The following SYCP2 variants were observed in gnomAD, a reference collection of about 807,000 sequenced individuals.
SYCP2 encodes synaptonemal complex protein 2.
Under a neutral mutation model 211.3 loss-of-function variants are expected in SYCP2, and 55 were observed. That is an observed-to-expected ratio of 0.26 (90% CI 0.21 to 0.33). The LOEUF is 0.33. Among genes scored for constraint, SYCP2 ranks in the 10% least tolerant of loss-of-function variants. SYCP2 has a pLI of 1.00. For synonymous variants in SYCP2, 570 were observed against 555.2 expected, an observed-to-expected ratio of 1.03 and a Z score of -0.37; for missense variants, 1,731 against 1,752.0, an observed-to-expected ratio of 0.99 and a Z score of 0.21.
chr20:59,904,707 C>T (rs2060182393), intron 15 of SYCP2, among the ~76,000 whole-genome samples: 1 of 152,046 alleles, frequency 6.6e-6, no homozygotes, highest in Non-Finnish European at 1.5e-5. Context: ...TATTAGTCTG[C>T]TATAATGGAA....
chr20:59,890,418 G>A (rs1399195104), intron 24 of SYCP2, among the ~76,000 whole-genome samples: 1 of 152,084 alleles, frequency 6.6e-6, no homozygotes, highest in Non-Finnish European at 1.5e-5. Flanking sequence ...GCCTAGGGGA[G>A]GGATAGCATT....
intron 24 of SYCP2, among the ~76,000 whole-genome samples, chr20:59,891,118 G>A (rs1046909732): frequency 6.6e-6 from 1 of 151,822 alleles, no homozygotes; most frequent in African/African-American, 2.4e-5. Context: ...ACATTGAGAG[G>A]TTACATTGTG....
At position 59,866,182 on chromosome 20, in the gene SYCP2, T is replaced by G. The variant is rs1439464573; in HGVS notation, c.4320+111A>C. 9.9e-6 allele frequency: 6 copies of G among 604,296 alleles called. No individual in the cohort carries two copies. The Admixed American group carries it at 2.1e-4, about 21-fold the overall frequency. 37.4% of individuals were successfully genotyped at this position (604,296 alleles called of 1,614,324 possible). ...GAAATCTAAGATAAAACTAAATTAT[T>G]TTCTGAACAAAAAGCTTTAGGATGT... is the stretch of plus-strand genomic sequence containing the variant. On this transcript the variant is annotated intron_variant, in intron 41 of 44. Transcript: ENST00000357552.
intron 44 of SYCP2, 51 bp downstream of exon 44, chr20:59,865,337 A>C (rs755443909): frequency 1.4e-6 from 2 of 1,449,386 alleles, no homozygotes; most frequent in African/African-American, 2.9e-5. Flanking sequence ...AAAATCAAAA[A>C]CAAAAGACAT....
At chr20:59,920,313 TTATAA>T in intron 5 of SYCP2, 41 bp downstream of exon 5, 1 of 1,455,302 alleles carries the variant, frequency 6.9e-7, no homozygotes, top group Non-Finnish European at 9.3e-7. Context: ...AGCATATCTT[TTATAA>T]TATTTCATTC....
At chr20:59,896,305 A>G in intron 19 of SYCP2, 124 bp downstream of exon 19, 1 of 574,656 alleles carries the variant, frequency 1.7e-6, no homozygotes, top group Non-Finnish European at 3.1e-6. Context: ...TTTGTGGTTC[A>G]TATTTTATCA....
rs768858901 is a variant in SYCP2 at position 59,895,413 on chromosome 20, A to C, written c.1665+24T>G. 3 of 1,563,488 alleles carry C rather than the reference A, an allele frequency of 1.9e-6. No individual in the cohort carries two copies. In the Admixed American group the frequency reaches 5.9e-5, roughly 31 times the overall value. On this transcript the variant is annotated intron_variant, in intron 20 of 44. Transcript: ENST00000357552. ...CACAATTACTTGAAAAAATATTTTT[A>C]AAATACTTTCAAGGTAAAGTTACTT... is the stretch of plus-strand genomic sequence containing the variant.
Position 59,866,412 on chromosome 20 carries a change from A to C in SYCP2, c.4221-20T>G. 1.9e-6 allele frequency: 3 copies of C among 1,560,552 alleles called. No individual in the cohort carries two copies. The highest frequency in any genetic ancestry group is 2.6e-6 in the Non-Finnish European group (3 of 1,145,554). On this transcript the variant is annotated intron_variant, in intron 40 of 44. Coordinates refer to ENST00000357552, the MANE Select transcript of SYCP2 (RefSeq NM_014258.4). ...TTAATCCTATTACAGAAACAAAATG[A>C]GATTAATTTTAAAAACTGTAGCATT...
rs759497187 is a variant in SYCP2, at chr20:59,895,423, C to G, written c.1665+14G>C. 2 of 1,571,642 alleles carry G rather than the reference C, an allele frequency of 1.3e-6. No individual in the cohort carries two copies. Among genetic ancestry groups the G allele is most frequent in the Admixed American group, 3.9e-5 (2 of 51,166 alleles). ...TGAAAAAATATTTTTAAAATACTTT[C>G]AAGGTAAAGTTACTTTGTCTATATT... On this transcript the variant is annotated intron_variant, in intron 20 of 44. Coordinates refer to ENST00000357552, the MANE Select transcript of SYCP2 (RefSeq NM_014258.4).
At chr20:59,894,728 C>T (rs941918474) in intron 20 of SYCP2, among the ~76,000 whole-genome samples, 1 of 151,990 alleles carries the variant, frequency 6.6e-6, no homozygotes, top group Non-Finnish European at 1.5e-5. Context: ...AGAAACTCAC[C>T]ATCTTCACAC....
In SYCP2 at chr20:59,911,850, T is replaced by A. The variant is rs1224790889; in HGVS notation, c.877-5A>T. The A allele has an allele frequency of 1.3e-6, 2 of 1,489,294 alleles. No homozygotes were observed. The highest frequency in any genetic ancestry group is 1.8e-6 in the Non-Finnish European group (2 of 1,082,234). 92.3% of individuals were successfully genotyped at this position (1,489,294 alleles called of 1,614,324 possible). ...TTCATCTGATGGTATTTGCAGCTAATAAAATAAACATACAAAACTGGAATA... is the reference window on the plus strand; with the variant it reads ...TTCATCTGATGGTATTTGCAGCTAAAAAAATAAACATACAAAACTGGAATA... On this transcript the variant is annotated splice_region_variant and splice_polypyrimidine_tract_variant and intron_variant, in intron 13 of 44. Transcript: ENST00000357552.
chr20:59,871,212 T>C (rs1253596323), intron 35 of SYCP2, among the ~76,000 whole-genome samples: 1 of 151,826 alleles, frequency 6.6e-6, no homozygotes, highest in East Asian at 1.9e-4. Context: ...ATTCACAAAA[T>C]GGCCAAAATC....
chr20:59,907,010 G>T (rs2060226636), intron 15 of SYCP2, among the ~76,000 whole-genome samples: 1 of 152,098 alleles, frequency 6.6e-6, no homozygotes, highest in Non-Finnish European at 1.5e-5. Context: ...AATAGTACTA[G>T]TCTGATTTTG....
rs2060592492 is a variant in SYCP2 at position 59,924,226 on chromosome 20, C to T, written c.-46-1767G>A. Among the ~76,000 whole-genome samples, 4 of 152,096 alleles carry T rather than the reference C, an allele frequency of 2.6e-5. No individual in the cohort carries two copies. The South Asian group carries it at 8.3e-4, about 32-fold the overall frequency. On this transcript the variant is annotated intron_variant, in intron 2 of 44. Transcript: ENST00000357552. Reference sequence around the variant, plus strand: ...CTATCTTCCTAGTCATTTCTCCACCCAATTAACTACCCTAGCCTAAGGCCT... The same window carrying T: ...CTATCTTCCTAGTCATTTCTCCACCTAATTAACTACCCTAGCCTAAGGCCT...
intron 36 of SYCP2, 68 bp from the exon 37 acceptor site, chr20:59,868,993 T>C (rs1309801208): frequency 1.7e-6 from 2 of 1,158,270 alleles, no homozygotes; most frequent in Non-Finnish European, 2.5e-6. Flanking sequence ...TTATCACCTT[T>C]CTCAAACCCA....
intron 10 of SYCP2, 80 bp downstream of exon 10, chr20:59,915,085 T>C: frequency 1.1e-6 from 1 of 907,216 alleles, no homozygotes; most frequent in East Asian, 2.4e-5. Context: ...CACATTGCTA[T>C]GCTAATATTT....
At chr20:59,894,183 C>A (rs529901590) in intron 20 of SYCP2, among the ~76,000 whole-genome samples, 1 of 151,980 alleles carries the variant, frequency 6.6e-6, no homozygotes, top group Non-Finnish European at 1.5e-5. Context: ...TTAGTCTAAG[C>A]TATTTTGCCT....
At chr20:59,890,492 AC>A (rs1279791145) in intron 24 of SYCP2, among the ~76,000 whole-genome samples, 1 of 152,088 alleles carries the variant, frequency 6.6e-6, no homozygotes, top group Admixed American at 6.6e-5. Context: ...GCACATGTAT[AC>A]CTATGTAACA....
chr20:59,897,723 G>C (rs1465809894), intron 18 of SYCP2, among the ~76,000 whole-genome samples: 1 of 152,126 alleles, frequency 6.6e-6, no homozygotes, highest in South Asian at 2.1e-4. Flanking sequence ...GTGCCTGTGA[G>C]AGTTATAGTT....
Sources: gnomAD v4.1 joint callset for allele counts (sites outside exome capture counted in the v4.1 genomes callset) on GRCh38, gnomAD v4.1.1 for gene constraint, MANE v1.5 for transcripts, NCBI Gene and HGNC (gene_info 2026-07-23, HGNC 2026-07-21) for gene names.